CRX: variants seen among roughly 807,000 people sequenced by gnomAD.
CRX encodes the protein cone-rod homeobox protein.
In CRX, 5 loss-of-function variants were observed where a neutral mutation model predicts 13.1. That is an observed-to-expected ratio of 0.38 (90% confidence interval 0.20 to 0.80). CRX has a LOEUF of 0.80. CRX is among the 30% of genes least tolerant of loss of function. The probability of loss-of-function intolerance (pLI) is 0.43; values close to 1 mark genes in which losing one functional copy is unlikely to be tolerated. For missense variants in CRX, 351 were observed against 391.8 expected (o/e 0.90, Z 0.88); for synonymous variants, 179 against 171.1 (o/e 1.05, Z -0.36).
At chr19:47,833,320 C>T (rs1377496942) in intron 1 of CRX, among the ~76,000 whole-genome samples, 4 of 150,424 alleles carry the variant, frequency 2.7e-5, no homozygotes, top group South Asian at 2.1e-4. Flanking sequence ...CTCGCTCTGT[C>T]GCCCAGGCTG....
At position 47,825,317 on chromosome 19, in the gene CRX, G is replaced by A. The variant is rs186809017; in HGVS notation, c.-36+3307G>A. ...GCTCTGTTGCCCAGGCTGGAGTGCA[G>A]TGGCTGGATCATAGCTCACTGCAGC... On this transcript the variant is annotated intron_variant, in intron 1 of 3. Coordinates refer to ENST00000221996, the MANE Select transcript of CRX (RefSeq NM_000554.6). Among the ~76,000 whole-genome samples the A allele has an allele frequency of 7.3e-3, 1,111 of 152,152 alleles. 15 individuals are homozygous for A. Among genetic ancestry groups the A allele is most frequent in the African/African-American group, 0.025 (1,050 of 41,512 alleles).
rs1188783352 is a variant in CRX at position 47,832,208 on chromosome 19, C to T, written c.-35-2201C>T. On this transcript the variant is annotated intron_variant, in intron 1 of 3. Transcript: ENST00000221996. ...GCAACTTCTGCCTCCCGGGTTCAAG[C>T]GATTCTCCTGCCTCAGCCTCCCGAG... is the stretch of plus-strand genomic sequence containing the variant. Among the ~76,000 whole-genome samples the T allele has an allele frequency of 1.2e-4, 18 of 144,798 alleles. 1 individual carries two copies. The highest frequency in any genetic ancestry group is 8.3e-4 in the Admixed American group (12 of 14,412). The allele number at this position is 144,798 out of a possible 152,430, so 95.0% of individuals were successfully genotyped here.
At chr19:47,834,312 T>A (rs1968089811) in intron 1 of CRX, 97 bp from the exon 2 acceptor site, 1 of 756,286 alleles carries the variant, frequency 1.3e-6, no homozygotes, top group Admixed American at 1.9e-5. Flanking sequence ...GTCACATACC[T>A]AAGAGGAGAA....
rs1448683806 is a variant in CRX at position 47,841,831 on chromosome 19, A to G, written c.*1864A>G. On this transcript the variant is annotated 3_prime_UTR_variant, in exon 4 of 4. Transcript: ENST00000221996. ...GGGAGGCGGGTTCCAAGAGCCCTTC[A>G]TTGGTGGAGTTCACAAGGCAAGGTG... The G allele has an allele frequency of 1.3e-5, 2 of 149,232 alleles. No homozygotes were observed. The highest frequency in any genetic ancestry group is 6.8e-5 in the Admixed American group (1 of 14,768). 9.2% of individuals were successfully genotyped at this position (149,232 alleles called of 1,614,324 possible).
chr19:47,834,506 C>T lies in CRX; in HGVS notation c.63C>T (p.Pro21=), dbSNP rs532982589. 1 of 1,614,162 alleles carries T rather than the reference C, an allele frequency of 6.2e-7. No homozygotes were observed. Residue 21 remains proline, a synonymous_variant, in exon 2 of 4, where the codon CCC becomes CCT. Coordinates refer to ENST00000221996, the MANE Select transcript of CRX (RefSeq NM_000554.6). ...YSVNALALSG[P]SVDLMHQAVP... Reference sequence around the variant, plus strand: ...TCAACGCCTTGGCCCTAAGTGGCCCCAGTGTGGATCTGATGCACCAGGCTG... The same window carrying T: ...TCAACGCCTTGGCCCTAAGTGGCCCTAGTGTGGATCTGATGCACCAGGCTG...
chr19:47,827,836 TAAAAAAAAAAAAAAAA>T (rs1156465404), intron 1 of CRX, among the ~76,000 whole-genome samples: 66 of 41,764 alleles, frequency 1.6e-3, no homozygotes, highest in East Asian at 2.3e-3. Context: ...GCATCTTTAT[TAAAAAAAAAAAAAAAA>T]AAAAAAAAAA....
chr19:47,824,872 G>A (rs1224424206), intron 1 of CRX, among the ~76,000 whole-genome samples: 2 of 149,382 alleles, frequency 1.3e-5, no homozygotes, highest in Non-Finnish European at 3.0e-5. Context: ...TCTGGAAATT[G>A]TTGTCATTGT....
chr19:47,834,616 C>A, intron 2 of CRX, 73 bp downstream of exon 2: 1 of 1,297,196 alleles, frequency 7.7e-7, no homozygotes, highest in East Asian at 2.4e-5. Context: ...TCCCTTTGCC[C>A]CCAGGAAGAA....
Position 47,841,075 on chromosome 19 carries a change from C to T in CRX, c.*1108C>T, listed in dbSNP as rs1394670437. Reference sequence around the variant, plus strand: ...CCTTTCTAGAAATTCCAAAGACAGACTTTAAGAAGCCCCGTCGGGAAACCT... The same window carrying T: ...CCTTTCTAGAAATTCCAAAGACAGATTTTAAGAAGCCCCGTCGGGAAACCT... On this transcript the variant is annotated 3_prime_UTR_variant, in exon 4 of 4. Coordinates refer to ENST00000221996, the MANE Select transcript of CRX (RefSeq NM_000554.6). 6.6e-6 allele frequency: 1 copy of T among 152,078 alleles called. No homozygotes were observed. Among genetic ancestry groups the T allele is most frequent in the Non-Finnish European group, 1.5e-5 (1 of 68,020 alleles). 9.4% of individuals were successfully genotyped at this position (152,078 alleles called of 1,614,324 possible).
intron 2 of CRX, among the ~76,000 whole-genome samples, chr19:47,834,760 G>A (rs1968095820): frequency 6.6e-6 from 1 of 152,146 alleles, no homozygotes; most frequent in African/African-American, 2.4e-5. Context: ...AAGAGGGGAT[G>A]TAATCTGGAA....
Position 47,839,254 on chromosome 19 carries a change from G to C in CRX, c.253-66G>C. ...CACCAATAAGTGTCCTCATCCCCGG[G>C]CACCCTGCGGCTCTCCTGGGCCTCT... On this transcript the variant is annotated intron_variant, in intron 3 of 3. Coordinates refer to ENST00000221996, the MANE Select transcript of CRX (RefSeq NM_000554.6). The surrounding 1 kb of genome is among the most constrained non-coding windows in gnomAD (Gnocchi z 4.6). 6.5e-7 allele frequency: 1 copy of C among 1,539,482 alleles called. No homozygotes were observed. The highest frequency in any genetic ancestry group is 8.8e-7 in the Non-Finnish European group (1 of 1,135,570).
At chr19:47,824,942 CT>C (rs201171832) in intron 1 of CRX, among the ~76,000 whole-genome samples, 1,244 of 122,622 alleles carry the variant, frequency 0.01, 12 homozygotes, top group African/African-American at 0.027. Context: ...CCTGGACATT[CT>C]TTTTTTTTTT....
intron 1 of CRX, among the ~76,000 whole-genome samples, chr19:47,831,073 C>T (rs1968038093): frequency 6.6e-6 from 1 of 151,978 alleles, no homozygotes; most frequent in South Asian, 2.1e-4. Context: ...CTTTGGGAAG[C>T]CGAGGCAGGC....
At position 47,839,952 on chromosome 19, in the gene CRX, G is replaced by A; in HGVS notation, c.885G>A (p.Lys295=). The A allele has an allele frequency of 6.2e-7, 1 of 1,613,792 alleles. No individual in the cohort carries two copies. Among genetic ancestry groups the A allele is most frequent in the South Asian group, 1.1e-5 (1 of 91,086 alleles). ...PLDYKDQSAW[K]FQIL is the part of the protein sequence containing the mutation. ...ACTACAAGGATCAGAGTGCCTGGAA[G>A]TTTCAGATCTTGTAGAGGACGCAGT... Residue 295 remains lysine (K), a synonymous_variant, in exon 4 of 4, where the codon AAG becomes AAA. Coordinates refer to ENST00000221996, the MANE Select transcript of CRX (RefSeq NM_000554.6). The surrounding 1 kb of genome is among the most constrained non-coding windows in gnomAD (Gnocchi z 4.6).
chr19:47,839,254 G>A lies in CRX; in HGVS notation c.253-66G>A, dbSNP rs1968159069. On this transcript the variant is annotated intron_variant, in intron 3 of 3. Coordinates refer to ENST00000221996, the MANE Select transcript of CRX (RefSeq NM_000554.6). This position sits in a 1 kb window ranked among gnomAD's most constrained non-coding sequence, Gnocchi z 4.6. ...CACCAATAAGTGTCCTCATCCCCGG[G>A]CACCCTGCGGCTCTCCTGGGCCTCT... 1.3e-6 allele frequency: 2 copies of A among 1,539,364 alleles called. No individual in the cohort carries two copies. The highest frequency in any genetic ancestry group is 1.8e-6 in the Non-Finnish European group (2 of 1,135,578).
At position 47,837,716 on chromosome 19, in the gene CRX, G is replaced by C. The variant is rs553787004; in HGVS notation, c.252+1322G>C. On this transcript the variant is annotated intron_variant, in intron 3 of 3. Transcript: ENST00000221996. ...ATAGATCCATTAATGCATGTATGAT[G>C]TATGTGTGTATGACCTATGTTTATA... 2.6e-5 allele frequency among the ~76,000 whole-genome samples: 4 copies of C among 152,188 alleles called. No homozygotes were observed. The South Asian group carries it at 8.3e-4, about 32-fold the overall frequency.
Position 47,840,133 on chromosome 19 carries a change from A to C in CRX, c.*166A>C. ...CTTACAGAGACCACCCCTTTCCTCC[A>C]CAGGGAGAGGCTCCTCCCTCTCCTG... On this transcript the variant is annotated 3_prime_UTR_variant, in exon 4 of 4. Transcript: ENST00000221996. 4.2e-6 allele frequency: 3 copies of C among 717,048 alleles called. No individual in the cohort carries two copies. Among genetic ancestry groups the C allele is most frequent in the Non-Finnish European group, 7.0e-6 (3 of 427,662 alleles). The allele number at this position is 717,048 out of a possible 1,614,324, so 44.4% of individuals were successfully genotyped here.
intron 1 of CRX, among the ~76,000 whole-genome samples, chr19:47,824,588 A>C (rs1314952867): frequency 1.3e-5 from 2 of 152,024 alleles, no homozygotes; most frequent in Non-Finnish European, 2.9e-5. Context: ...GGAGGTCCTT[A>C]AGGTCATCAG....
chr19:47,839,817 C>T lies in CRX; in HGVS notation c.750C>T (p.Pro250=). ...PSVGPSLAQS[P]TSLSGQSYGA... ...TGGGACCTTCCCTGGCCCAGTCCCC[C>T]ACCTCCCTATCAGGCCAGAGCTATG... Residue 250 remains proline, a synonymous_variant, in exon 4 of 4, where the codon CCC becomes CCT. Transcript: ENST00000221996. The surrounding 1 kb of genome is among the most constrained non-coding windows in gnomAD (Gnocchi z 4.6). 1 of 1,614,166 alleles carries T rather than the reference C, an allele frequency of 6.2e-7. No individual in the cohort carries two copies. Among genetic ancestry groups the T allele is most frequent in the Non-Finnish European group, 8.5e-7 (1 of 1,180,026 alleles).
Sources: gnomAD v4.1 joint callset for allele counts (sites outside exome capture counted in the v4.1 genomes callset) on GRCh38, gnomAD v4.1.1 for gene constraint, Gnocchi (gnomAD v3.1) non-coding constraint, MANE v1.5 for transcripts, NCBI Gene and HGNC (gene_info 2026-07-23, HGNC 2026-07-21) for gene names.